TANC1: variants seen among roughly 807,000 people sequenced by gnomAD.
The protein encoded by TANC1 is protein TANC1.
TANC1 carries 77 observed loss-of-function variants against 149.7 expected under a neutral mutation model. That is an observed-to-expected ratio of 0.51 (90% CI 0.43 to 0.62). TANC1 has a LOEUF of 0.62. TANC1 is among the 20% of genes least tolerant of loss of function. The probability of loss-of-function intolerance (pLI) is 0.00; values close to 1 mark genes in which losing one functional copy is unlikely to be tolerated. For synonymous variants in TANC1, 854 were observed against 925.0 expected (o/e 0.92, Z 1.39); for missense variants, 1,985 against 2,321.8 (o/e 0.85, Z 2.98).
At chr2:159,181,602 G>T (rs181762667) in intron 14 of TANC1, among the ~76,000 whole-genome samples, 1 of 152,152 alleles carries the variant, frequency 6.6e-6, no homozygotes, top group Non-Finnish European at 1.5e-5. Context: ...CGGCCCCCTC[G>T]TTAGATTTTT....
Position 159,030,233 on chromosome 2 carries a change from G to C in TANC1, c.-16+29044G>C, listed in dbSNP as rs1463661034. 6.6e-5 allele frequency among the ~76,000 whole-genome samples: 10 copies of C among 152,146 alleles called. No individual in the cohort carries two copies. The East Asian group carries it at 1.9e-3, about 29-fold the overall frequency. On this transcript the variant is annotated intron_variant, in intron 2 of 26. Coordinates refer to ENST00000263635, the MANE Select transcript of TANC1 (RefSeq NM_033394.3). ...CAAAAAGCAAAGATATAAAGCCAAG[G>C]GGGGAATGTCTTTCTACGGAATGGT...
intron 2 of TANC1, among the ~76,000 whole-genome samples, chr2:159,005,633 T>C (rs2037088712): frequency 1.3e-5 from 2 of 152,070 alleles, no homozygotes; most frequent in South Asian, 4.1e-4. Context: ...GTTTTTATAA[T>C]TCATTTTATT....
intron 2 of TANC1, among the ~76,000 whole-genome samples, chr2:159,039,523 A>G (rs2040463859): frequency 6.6e-6 from 1 of 152,112 alleles, no homozygotes; most frequent in African/African-American, 2.4e-5. Flanking sequence ...ACTGCTCTAA[A>G]TGTGTCCCAG....
At chr2:159,034,433 A>G (rs976163602) in intron 2 of TANC1, among the ~76,000 whole-genome samples, 1 of 152,224 alleles carries the variant, frequency 6.6e-6, no homozygotes, top group Admixed American at 6.5e-5. Context: ...CTGGCTACAC[A>G]TTAAAATCAA....
rs371681821 is a variant in TANC1 at position 159,194,469 on chromosome 2, T to C, written c.2955T>C (p.Cys985=). 2.5e-6 allele frequency: 4 copies of C among 1,614,220 alleles called. No homozygotes were observed. The highest frequency in any genetic ancestry group is 2.7e-5 in the African/African-American group (2 of 75,072). ...AAAAGHMKLV[C]LLTKKGVRVD... ...CTGCTGGCCACATGAAGCTGGTGTG[T>C]CTGCTGACCAAGAAGGGAGTGAGAG... is the stretch of plus-strand genomic sequence containing the variant. The change falls in exon 17 of 27, where the codon TGT becomes TGC. Residue 985 remains cysteine, a synonymous_variant. Transcript: ENST00000263635.
At chr2:159,143,615 G>A (rs2051711742) in intron 5 of TANC1, among the ~76,000 whole-genome samples, 1 of 148,406 alleles carries the variant, frequency 6.7e-6, no homozygotes, top group South Asian at 2.1e-4. Context: ...GTTTTGGCTG[G>A]GTATCAGAGA....
intron 19 of TANC1, among the ~76,000 whole-genome samples, chr2:159,206,754 T>C (rs943141079): frequency 4.6e-5 from 7 of 152,230 alleles, no homozygotes; most frequent in Non-Finnish European, 1.0e-4. Flanking sequence ...TTGTGTAAAA[T>C]GCTTTTGTGG....
At chr2:159,141,072 A>G (rs1230331401) in intron 5 of TANC1, among the ~76,000 whole-genome samples, 11 of 152,364 alleles carry the variant, frequency 7.2e-5, no homozygotes, top group African/African-American at 1.2e-4. Flanking sequence ...TCAGGCTGCT[A>G]TAACAAAAAT....
chr2:159,047,685 A>G lies in TANC1; in HGVS notation c.-15-18211A>G, dbSNP rs1034863316. 2.0e-5 allele frequency among the ~76,000 whole-genome samples: 3 copies of G among 152,118 alleles called. 1 individual carries two copies. Among genetic ancestry groups the G allele is most frequent in the Admixed American group, 1.3e-4 (2 of 15,284 alleles). On this transcript the variant is annotated intron_variant, in intron 2 of 26. Coordinates refer to ENST00000263635, the MANE Select transcript of TANC1 (RefSeq NM_033394.3). ...GACAGAACCAATGTTCATTTTACATATATTGATTGATGTCTCATGTTTCCC... is the reference window on the plus strand; with the variant it reads ...GACAGAACCAATGTTCATTTTACATGTATTGATTGATGTCTCATGTTTCCC...
At position 159,224,347 on chromosome 2, in the gene TANC1, G is replaced by A. The variant is rs1278546624; in HGVS notation, c.3794G>A (p.Arg1265Lys). ...ACATCTGTAGTGGTGGCGCTACTCA[G>A]AAAGGGAGCCAAGTTAGGTCAGTGA... Reference protein sequence around the residue: ...RNTSVVVALLRKGAKLGNAAW... With the variant: ...RNTSVVVALLKKGAKLGNAAW... Residue 1265 changes from arginine (R) to lysine (K), a missense_variant, in exon 23 of 27, where the codon AGA becomes AAA. Transcript: ENST00000263635. 6 of 1,614,062 alleles carry A rather than the reference G, an allele frequency of 3.7e-6. No individual in the cohort carries two copies. Among genetic ancestry groups the A allele is most frequent in the Non-Finnish European group, 5.1e-6 (6 of 1,180,044 alleles).
At chr2:159,123,505 A>G (rs1357571817) in intron 4 of TANC1, among the ~76,000 whole-genome samples, 1 of 151,620 alleles carries the variant, frequency 6.6e-6, no homozygotes, top group East Asian at 1.9e-4. Context: ...CAACCCCTCC[A>G]ACACCTCCCC....
At chr2:158,970,560 G>A (rs1467060033) in intron 1 of TANC1, among the ~76,000 whole-genome samples, 4 of 152,196 alleles carry the variant, frequency 2.6e-5, no homozygotes, top group Non-Finnish European at 5.9e-5. Flanking sequence ...TGCAGTTTGT[G>A]TCAGCCAGAA....
chr2:159,003,826 C>T (rs751790923), intron 2 of TANC1: 20 of 1,598,020 alleles, frequency 1.3e-5, no homozygotes, highest in Middle Eastern at 4.2e-4. Flanking sequence ...ACCCTCCCTG[C>T]TTCAGATTTA....
chr2:158,992,669 A>ATTTT lies in TANC1; in HGVS notation c.-125-8390_-125-8387dup, dbSNP rs70994251. ...AGGCGCCCACCACCATGCCCAGCTA[A>ATTTT]TTTTTTTTTTTTTTTTTTTTTTTTG... On this transcript the variant is annotated intron_variant, in intron 1 of 26. Coordinates refer to ENST00000263635, the MANE Select transcript of TANC1 (RefSeq NM_033394.3). Among the ~76,000 whole-genome samples, 469 of 112,448 alleles carry ATTTT rather than the reference A, an allele frequency of 4.2e-3. 4 individuals carry two copies. Among genetic ancestry groups the ATTTT allele is most frequent in the African/African-American group, 0.015 (434 of 28,892 alleles). The allele number at this position is 112,448 out of a possible 152,430, so 73.8% of individuals were successfully genotyped here.
chr2:159,183,819 A>T (rs1430388589), intron 14 of TANC1, among the ~76,000 whole-genome samples: 3 of 152,148 alleles, frequency 2.0e-5, no homozygotes, highest in Non-Finnish European at 4.4e-5. Context: ...GGCCTGAGTG[A>T]CGGGGCAGGT....
In TANC1 at chr2:159,230,454, A is replaced by G; in HGVS notation, c.5028A>G (p.Ser1676=). 6.2e-7 allele frequency: 1 copy of G among 1,614,156 alleles called. No homozygotes were observed. The highest frequency in any genetic ancestry group is 1.1e-5 in the South Asian group (1 of 91,082). The part of the protein sequence containing the change: ...SGSPSSSIKM[S]SSTSSLTSSS... Reference sequence around the variant, plus strand: ...CTCCATCCAGCAGCATAAAGATGTCAAGTTCAACCAGTAGTTTGACTTCGA... The same window carrying G: ...CTCCATCCAGCAGCATAAAGATGTCGAGTTCAACCAGTAGTTTGACTTCGA... The change falls in exon 27 of 27, where the codon TCA becomes TCG. Residue 1676 remains serine, a synonymous_variant. Coordinates refer to ENST00000263635, the MANE Select transcript of TANC1 (RefSeq NM_033394.3). The surrounding 1 kb of genome is among the most constrained non-coding windows in gnomAD (Gnocchi z 4.4).
chr2:159,005,512 C>T (rs1207996284), intron 2 of TANC1, among the ~76,000 whole-genome samples: 1 of 152,100 alleles, frequency 6.6e-6, no homozygotes, highest in African/African-American at 2.4e-5. Flanking sequence ...CACCTGAGCC[C>T]AGGAGGCGGA....
chr2:158,981,530 T>C (rs1479836612), intron 1 of TANC1, among the ~76,000 whole-genome samples: 41 of 111,936 alleles, frequency 3.7e-4, no homozygotes, highest in African/African-American at 1.3e-3. Flanking sequence ...TATATATATA[T>C]ATATATATAT....
chr2:159,007,871 G>A (rs1403100736), intron 2 of TANC1, among the ~76,000 whole-genome samples: 1 of 152,212 alleles, frequency 6.6e-6, no homozygotes, highest in Non-Finnish European at 1.5e-5. Context: ...CCAGGGTGGA[G>A]GTGGCCGAAA....
Sources: allele counts gnomAD v4.1 joint callset (sites outside exome capture counted in the v4.1 genomes callset), GRCh38; gene constraint gnomAD v4.1.1; non-coding constraint Gnocchi (gnomAD v3.1); transcripts MANE v1.5; gene names NCBI Gene and HGNC (gene_info 2026-07-23, HGNC 2026-07-21).